Variants in ZNF320 observed in about 807,000 individuals in gnomAD.
ZNF320 encodes the protein zinc finger gene 320.
ZNF320 carries 2 observed loss-of-function variants against 6.8 expected under a neutral mutation model. The observed-to-expected ratio is 0.29, with a 90% CI of 0.12 to 0.93. ZNF320 has a LOEUF of 0.93. Among genes scored for constraint, ZNF320 ranks in the 40% least tolerant of loss-of-function variants. ZNF320 has a pLI of 0.55. For missense variants in ZNF320, 472 were observed against 611.0 expected (o/e 0.77, Z 2.40); for synonymous variants, 208 against 203.2 (o/e 1.02, Z -0.20).
upstream of ZNF320, among the ~76,000 whole-genome samples, chr19:52,902,589 C>A (rs1042312358): frequency 6.6e-6 from 1 of 152,126 alleles, no homozygotes; most frequent in African/African-American, 2.4e-5. Context: ...TCCTTTAGCA[C>A]CGATTTTTAT....
the ZNF320 span, among the ~76,000 whole-genome samples, chr19:52,902,808 T>A: frequency 6.6e-6 from 1 of 152,200 alleles, no homozygotes; most frequent in Non-Finnish European, 1.5e-5. Context: ...TAACTTTTTG[T>A]AATTTTTGTT....
chr19:52,885,775 G>A (rs890360557), intron 5 of ZNF320, among the ~76,000 whole-genome samples: 7 of 151,440 alleles, frequency 4.6e-5, no homozygotes, highest in Non-Finnish European at 5.9e-5. Flanking sequence ...GTGTGGTGGC[G>A]CATGCCTGTA....
Position 52,865,720 on chromosome 19 carries a change from CATATTTATATATATGATTATACACAT to C in ZNF320, c.224-1587_224-1562del, listed in dbSNP as rs1261211992. Among the ~76,000 whole-genome samples the C allele has an allele frequency of 7.8e-3, 856 of 109,766 alleles. 21 individuals are homozygous for C. The highest frequency in any genetic ancestry group is 0.01 in the African/African-American group (269 of 25,812). 72.0% of individuals were successfully genotyped at this position (109,766 alleles called of 152,430 possible). ...ACATATATTTATATATGATTATACA[CATATTTATATATATGATTATACACAT>C]ATATTTATATATATGATTATACACA... On this transcript the variant is annotated intron_variant, in intron 5 of 5. Coordinates refer to the ZNF320 transcript ENST00000673631.
chr19:52,890,926 G>A (rs2064268888), intron 3 of ZNF320, among the ~76,000 whole-genome samples: 1 of 151,904 alleles, frequency 6.6e-6, no homozygotes, highest in Non-Finnish European at 1.5e-5. Flanking sequence ...CGAGGTGGGT[G>A]GATTACTTGA....
chr19:52,900,524 T>C (rs1004565807), upstream of ZNF320, among the ~76,000 whole-genome samples: 2 of 152,216 alleles, frequency 1.3e-5, no homozygotes, highest in African/African-American at 4.8e-5. Flanking sequence ...TTGTAGAGAC[T>C]GGGCCTCATG....
upstream of ZNF320, among the ~76,000 whole-genome samples, chr19:52,900,013 A>T (rs2064566403): frequency 6.6e-6 from 1 of 152,166 alleles, no homozygotes; most frequent in Non-Finnish European, 1.5e-5. Flanking sequence ...GGAAGCATAG[A>T]CTGGGAAGCC....
chr19:52,870,177 G>A (rs1046960402), intron 5 of ZNF320, among the ~76,000 whole-genome samples: 3 of 151,846 alleles, frequency 2.0e-5, no homozygotes, highest in Admixed American at 2.0e-4. Context: ...GATAGTTGAT[G>A]ACAATGAAAA....
chr19:52,870,724 C>T (rs1298905783), intron 5 of ZNF320, among the ~76,000 whole-genome samples: 1 of 152,010 alleles, frequency 6.6e-6, no homozygotes, highest in Non-Finnish European at 1.5e-5. Flanking sequence ...CTAAATCTCA[C>T]TACTGTACTC....
chr19:52,862,700 T>G (rs2063492686), exon 6 of ZNF320: 1 of 550,974 alleles, frequency 1.8e-6, no homozygotes, highest in South Asian at 1.8e-5. Context: ...AATTTCAGTA[T>G]GTTCTGCAAG....
chr19:52,865,680 A>ATACATATATATTATATGATTC (rs2063543942), intron 5 of ZNF320, among the ~76,000 whole-genome samples: 2 of 130,938 alleles, frequency 1.5e-5, no homozygotes, highest in Admixed American at 8.3e-5. Context: ...TTATATGATT[A>ATACATATATATTATATGATTC]TACATATATA....
chr19:52,881,635 T>C lies in ZNF320; in HGVS notation c.491A>G (p.Glu164Gly), dbSNP rs751642608. 6.2e-7 allele frequency: 1 copy of C among 1,614,084 alleles called. No homozygotes were observed. Among genetic ancestry groups the C allele is most frequent in the Middle Eastern group, 1.7e-4 (1 of 6,056 alleles). Reference protein sequence around the residue: ...IHTGEKPYKCEECEKVFSCKS... With the variant: ...IHTGEKPYKCGECEKVFSCKS... Reference sequence around the variant, plus strand: ...GCAACTGAAAACTTTCTCACATTCTTCACATTTGTAAGGTTTCTCTCCAGT... The same window carrying C: ...GCAACTGAAAACTTTCTCACATTCTCCACATTTGTAAGGTTTCTCTCCAGT... Residue 164 changes from glutamate to glycine, a missense_variant, in exon 6 of 6, where the codon GAA becomes GGA. Around this residue, in one of 2 missense-constraint regions of ZNF320, gnomAD observed 462 missense variants for 559.7 expected, o/e 0.83. Coordinates refer to ENST00000682928, the MANE Select transcript of ZNF320 (RefSeq NM_001351774.2).
chr19:52,872,355 G>A (rs547151697), downstream of ZNF320, among the ~76,000 whole-genome samples: 8 of 152,290 alleles, frequency 5.3e-5, no homozygotes, highest in South Asian at 1.7e-3. Flanking sequence ...ACACCTGTGG[G>A]TATTCCTCAG....
In ZNF320 at chr19:52,877,532, C is replaced by T. The variant is rs1012190914; in HGVS notation, c.*3064G>A. On this transcript the variant is annotated 3_prime_UTR_variant, in exon 6 of 6. Coordinates refer to ENST00000682928, the MANE Select transcript of ZNF320 (RefSeq NM_001351774.2). ...GGTGTGCAGAGGGATGGGCTCTTTC[C>T]CACATCTGTGAAGATAAGCTCTCAG... is the stretch of plus-strand genomic sequence containing the variant. 6.6e-6 allele frequency: 1 copy of T among 152,182 alleles called. No homozygotes were observed. The highest frequency in any genetic ancestry group is 1.5e-5 in the Non-Finnish European group (1 of 68,036). The allele number at this position is 152,182 out of a possible 1,614,324, so 9.4% of individuals were successfully genotyped here.
At chr19:52,903,998 G>C in the ZNF320 span, among the ~76,000 whole-genome samples, 1 of 151,650 alleles carries the variant, frequency 6.6e-6, no homozygotes, top group Admixed American at 6.6e-5. Context: ...GTCTTACTAA[G>C]TAAAGCCAAG....
rs776177648 is a variant in ZNF320 at position 52,881,224 on chromosome 19, T to C, written c.902A>G (p.Tyr301Cys). Residue 301 changes from tyrosine (Y) to cysteine (C), a missense_variant, in exon 6 of 6, where the codon TAT becomes TGT. Coordinates refer to ENST00000682928, the MANE Select transcript of ZNF320 (RefSeq NM_001351774.2). ...AACCTTGCCACATTCATTACACTTATAGGGTTTCTCTGCAGTATGAACTGC... is the reference window on the plus strand; with the variant it reads ...AACCTTGCCACATTCATTACACTTACAGGGTTTCTCTGCAGTATGAACTGC... The part of the protein sequence containing the change: ...HKAVHTAEKP[Y>C]KCNECGKVFK... 1.8e-5 allele frequency: 29 copies of C among 1,614,206 alleles called. No individual in the cohort carries two copies. The Admixed American group carries it at 2.5e-4, about 14-fold the overall frequency.
chr19:52,879,360 ATC>A lies in ZNF320; in HGVS notation c.*1234_*1235del. 1 of 157,490 alleles carries A rather than the reference ATC, an allele frequency of 6.3e-6. No individual in the cohort carries two copies. Among genetic ancestry groups the A allele is most frequent in the Non-Finnish European group, 1.4e-5 (1 of 71,294 alleles). The allele number at this position is 157,490 out of a possible 1,614,324, so 9.8% of individuals were successfully genotyped here. On this transcript the variant is annotated 3_prime_UTR_variant, in exon 6 of 6. Coordinates refer to ENST00000682928, the MANE Select transcript of ZNF320 (RefSeq NM_001351774.2). ...CATAATGAAAGATGAAAACCACATC[ATC>A]TCAATACATGGAGAAAAAGCATTTC... is the stretch of plus-strand genomic sequence containing the variant.
Position 52,890,325 on chromosome 19 carries a change from A to C in ZNF320, c.-70T>G. The C allele has an allele frequency of 8.3e-6, 13 of 1,567,088 alleles. No individual in the cohort carries two copies. Among genetic ancestry groups the C allele is most frequent in the Non-Finnish European group, 9.6e-6 (11 of 1,151,814 alleles). ...CAGGTACCAAGAGTCTTTAGAAGTC[A>C]ATCCTAAATGTTAGAAATATGTTGT... is the stretch of plus-strand genomic sequence containing the variant. On this transcript the variant is annotated 5_prime_UTR_variant, in exon 4 of 6. It adds an upstream start codon to the 5' untranslated region. Coordinates refer to ENST00000682928, the MANE Select transcript of ZNF320 (RefSeq NM_001351774.2).
Position 52,881,980 on chromosome 19 carries a change from A to G in ZNF320, c.146T>C (p.Ile49Thr), listed in dbSNP as rs775603708. 3 of 1,604,358 alleles carry G rather than the reference A, an allele frequency of 1.9e-6. No individual in the cohort carries two copies. Among genetic ancestry groups the G allele is most frequent in the Non-Finnish European group, 2.6e-6 (3 of 1,176,444 alleles). The part of the protein sequence containing the change: ...ENYRNLVSLD[I>T]SSKCMMNTLS... ...TGTATTCATCATGCATTTGGAAGAG[A>G]TATCTACAAAATATAAACACCAATA... The change falls in exon 6 of 6, where the codon ATC becomes ACC. Residue 49 changes from isoleucine to threonine, a missense_variant. Coordinates refer to ENST00000682928, the MANE Select transcript of ZNF320 (RefSeq NM_001351774.2).
At position 52,881,475 on chromosome 19, in the gene ZNF320, G is replaced by A. The variant is rs1449921238; in HGVS notation, c.651C>T (p.Tyr217=). 6.2e-7 allele frequency: 1 copy of A among 1,614,180 alleles called. No homozygotes were observed. ...HTRIHRGDKH[Y]TCNECGKVFD... ...AAACCTTGCCACATTCATTACATGT[G>A]TAATGTTTGTCTCCCCTGTGAATTC... is the stretch of plus-strand genomic sequence containing the variant. Residue 217 remains tyrosine, a synonymous_variant, in exon 6 of 6, where the codon TAC becomes TAT. Coordinates refer to ENST00000682928, the MANE Select transcript of ZNF320 (RefSeq NM_001351774.2).
Sources: allele counts gnomAD v4.1 joint callset (sites outside exome capture counted in the v4.1 genomes callset), GRCh38; gene constraint gnomAD v4.1.1; regional missense constraint gnomAD v4.1.1; transcripts MANE v1.5; gene names NCBI Gene and HGNC (gene_info 2026-07-23, HGNC 2026-07-21).